The following SHANK2 variants were observed in gnomAD, a reference collection of about 807,000 sequenced individuals.
SHANK2 encodes the protein SH3 and multiple ankyrin repeat domains protein 2.
SHANK2 carries 43 observed loss-of-function variants against 133.7 expected under a neutral mutation model. That is an observed-to-expected ratio of 0.32 (90% confidence interval 0.25 to 0.41). SHANK2 has a LOEUF of 0.41. Ranked by LOEUF, SHANK2 falls within the 10% of genes least tolerant of loss-of-function variation. SHANK2 has a pLI of 1.00. For synonymous variants in SHANK2, 1,017 were observed against 952.8 expected (o/e 1.07, Z -1.24); for missense variants, 1,994 against 2,235.8 (o/e 0.89, Z 2.18).
chr11:70,878,370 T>G (rs140359980), intron 11 of SHANK2, among the ~76,000 whole-genome samples: 1 of 152,138 alleles, frequency 6.6e-6, no homozygotes, highest in South Asian at 2.1e-4. Context: ...CCCCTCCACA[T>G]AGAAGGGAGA....
chr11:70,501,619 C>T (rs915371426), intron 20 of SHANK2, among the ~76,000 whole-genome samples: 1 of 152,228 alleles, frequency 6.6e-6, no homozygotes, highest in Non-Finnish European at 1.5e-5. Context: ...CCAGCATGGC[C>T]CACGTGGCTG....
At chr11:70,824,243 C>G (rs1356720845) in intron 11 of SHANK2, among the ~76,000 whole-genome samples, 1 of 152,038 alleles carries the variant, frequency 6.6e-6, no homozygotes, top group African/African-American at 2.4e-5. Context: ...CCTGGGGAGC[C>G]GCACAGAGCT....
chr11:71,184,504 C>T (rs1953632843), intron 2 of SHANK2, among the ~76,000 whole-genome samples: 1 of 152,154 alleles, frequency 6.6e-6, no homozygotes, highest in South Asian at 2.1e-4. Flanking sequence ...CCCAATGATA[C>T]CCACTGGGCT....
chr11:71,248,965 G>A (rs569698023), intron 1 of SHANK2, among the ~76,000 whole-genome samples: 1 of 152,310 alleles, frequency 6.6e-6, no homozygotes, highest in African/African-American at 2.4e-5. Context: ...CTTGTGGCCA[G>A]TCCAGGCTTG....
At chr11:70,875,944 G>A (rs1218681377) in intron 11 of SHANK2, among the ~76,000 whole-genome samples, 1 of 150,956 alleles carries the variant, frequency 6.6e-6, no homozygotes, top group African/African-American at 2.4e-5. Context: ...ATCACCTGAG[G>A]TTGGGAGTTT....
chr11:70,714,327 T>C (rs1945863595), intron 14 of SHANK2, among the ~76,000 whole-genome samples: 1 of 152,188 alleles, frequency 6.6e-6, no homozygotes, highest in African/African-American at 2.4e-5. Context: ...GCCCCTGATG[T>C]CTGTTGGGTG....
rs564403460 is a variant in SHANK2, at chr11:71,138,394, C to T, written c.207+8726G>A. On this transcript the variant is annotated intron_variant, in intron 3 of 25. Coordinates refer to ENST00000601538, the MANE Select transcript of SHANK2 (RefSeq NM_012309.5). ...AATCCTCAAATACAAAATGCAAATG[C>T]GGTAATTATGTGCCTGTGACCAAAA... Among the ~76,000 whole-genome samples the T allele has an allele frequency of 3.9e-4, 60 of 152,292 alleles. No homozygotes were observed. The South Asian group carries it at 0.01, about 26-fold the overall frequency.
At chr11:70,494,617 G>T (rs141617585) in intron 21 of SHANK2, among the ~76,000 whole-genome samples, 1 of 152,270 alleles carries the variant, frequency 6.6e-6, no homozygotes, top group Non-Finnish European at 1.5e-5. Context: ...CTTCAAACAA[G>T]GATGGGGAAG....
At chr11:70,675,595 C>T (rs1445518496) in intron 15 of SHANK2, among the ~76,000 whole-genome samples, 5 of 152,188 alleles carry the variant, frequency 3.3e-5, no homozygotes, top group Non-Finnish European at 7.3e-5. Context: ...AGGAAAGAAC[C>T]CTCAGGGGAG....
intron 11 of SHANK2, among the ~76,000 whole-genome samples, chr11:70,872,722 C>T (rs564067017): frequency 3.3e-5 from 5 of 152,160 alleles, no homozygotes; most frequent in African/African-American, 7.2e-5. Flanking sequence ...TGGCCACCTG[C>T]GGGTCCCTGT....
chr11:70,481,974 A>G (rs2058739475), intron 25 of SHANK2, among the ~76,000 whole-genome samples: 1 of 148,922 alleles, frequency 6.7e-6, no homozygotes, highest in Non-Finnish European at 1.5e-5. Flanking sequence ...ACCCCCCCCC[A>G]GTGGTGGTTC....
chr11:71,086,742 A>T (rs1366079451), intron 8 of SHANK2, among the ~76,000 whole-genome samples: 2 of 151,908 alleles, frequency 1.3e-5, no homozygotes, highest in Admixed American at 6.6e-5. Flanking sequence ...GTGAGCACTT[A>T]TGAGGATGAT....
chr11:71,071,961 G>A (rs1449874245), intron 9 of SHANK2, among the ~76,000 whole-genome samples: 1 of 152,166 alleles, frequency 6.6e-6, no homozygotes, highest in African/African-American at 2.4e-5. Context: ...CCAGGATAAA[G>A]AGCCACATCC....
At position 71,151,844 on chromosome 11, in the gene SHANK2, C is replaced by A. The variant is rs376063764; in HGVS notation, c.-12-4506G>T. On this transcript the variant is annotated intron_variant, in intron 2 of 25. Coordinates refer to ENST00000601538, the MANE Select transcript of SHANK2 (RefSeq NM_012309.5). Reference sequence around the variant, plus strand: ...CAGGGGTGCATGTGTAGGAAGCCCCCCCTCAGTGGACAGTGGGCACCCAGT... The same window carrying A: ...CAGGGGTGCATGTGTAGGAAGCCCCACCTCAGTGGACAGTGGGCACCCAGT... 6.6e-5 allele frequency among the ~76,000 whole-genome samples: 10 copies of A among 152,254 alleles called. 1 individual carries two copies. The East Asian group carries it at 1.4e-3, about 21-fold the overall frequency.
At chr11:71,228,150 G>T (rs1425350987) in intron 1 of SHANK2, among the ~76,000 whole-genome samples, 1 of 152,166 alleles carries the variant, frequency 6.6e-6, no homozygotes, top group Non-Finnish European at 1.5e-5. Flanking sequence ...ATTTGACAAT[G>T]TAGATGAAAT....
At chr11:71,179,367 T>A (rs1953508657) in intron 2 of SHANK2, among the ~76,000 whole-genome samples, 1 of 152,088 alleles carries the variant, frequency 6.6e-6, no homozygotes, top group South Asian at 2.1e-4. Flanking sequence ...ACCCTATGAG[T>A]AGCTCAATAG....
At chr11:70,599,799 GAAAAGAA>G (rs2060454935) in intron 17 of SHANK2, among the ~76,000 whole-genome samples, 1 of 142,540 alleles carries the variant, frequency 7.0e-6, no homozygotes, top group Non-Finnish European at 1.5e-5. Context: ...AAGAAGAAAA[GAAAAGAA>G]AGAAGAGGGA....
At chr11:70,742,640 G>T (rs782700032) in intron 14 of SHANK2, among the ~76,000 whole-genome samples, 1 of 152,190 alleles carries the variant, frequency 6.6e-6, no homozygotes, top group Non-Finnish European at 1.5e-5. Context: ...TGACAGAGAG[G>T]CAGGCCCAGG....
intron 17 of SHANK2, among the ~76,000 whole-genome samples, chr11:70,612,904 G>A (rs1554994731): frequency 6.6e-6 from 1 of 152,176 alleles, no homozygotes; most frequent in Non-Finnish European, 1.5e-5. Flanking sequence ...CTTGATGAAT[G>A]CAGTTGGCAT....
Sources: gnomAD v4.1 joint callset for allele counts (sites outside exome capture counted in the v4.1 genomes callset) on GRCh38, gnomAD v4.1.1 for gene constraint, MANE v1.5 for transcripts, NCBI Gene and HGNC (gene_info 2026-07-23, HGNC 2026-07-21) for gene names.